Variants in FSIP1 observed in about 807,000 individuals in gnomAD.
The protein encoded by FSIP1 is fibrous sheath interacting protein 1, also known as fibrous sheath-interacting protein 1.
Under a neutral mutation model 60.9 loss-of-function variants are expected in FSIP1, and 65 were observed. That is an observed-to-expected ratio of 1.07 (90% CI 0.87 to 1.31). FSIP1 has a LOEUF of 1.31. Among genes scored for constraint, FSIP1 ranks in the 40% most tolerant of loss-of-function variants. The probability of loss-of-function intolerance (pLI) is 0.00; values close to 1 mark genes in which losing one functional copy is unlikely to be tolerated. For missense variants in FSIP1, 675 were observed against 665.5 expected, an observed-to-expected ratio of 1.01 and a Z score of -0.16; for synonymous variants, 209 against 221.2, an observed-to-expected ratio of 0.94 and a Z score of 0.49.
chr15:39,717,342 C>G (rs1440262206), intron 9 of FSIP1, among the ~76,000 whole-genome samples: 2 of 152,148 alleles, frequency 1.3e-5, no homozygotes, highest in Non-Finnish European at 2.9e-5. Flanking sequence ...GCTCCATCTT[C>G]TGGTTAGGTT....
At chr15:39,685,274 G>A (rs1894320224) in intron 10 of FSIP1, among the ~76,000 whole-genome samples, 1 of 152,136 alleles carries the variant, frequency 6.6e-6, no homozygotes, top group African/African-American at 2.4e-5. Context: ...AATTGTTCAT[G>A]TGTGATAAAG....
At chr15:39,660,243 C>T (rs762962709) in intron 10 of FSIP1, among the ~76,000 whole-genome samples, 8 of 152,182 alleles carry the variant, frequency 5.3e-5, no homozygotes, top group African/African-American at 1.2e-4. Flanking sequence ...AAGAAAGGGG[C>T]AACATGTCCT....
chr15:39,773,203 AC>A (rs1375781006), intron 2 of FSIP1, among the ~76,000 whole-genome samples: 2 of 152,258 alleles, frequency 1.3e-5, no homozygotes, highest in Non-Finnish European at 2.9e-5. Flanking sequence ...GAGCAATAAA[AC>A]TAACTAGCAC....
At chr15:39,761,019 T>C (rs1897478203) in intron 5 of FSIP1, among the ~76,000 whole-genome samples, 1 of 152,144 alleles carries the variant, frequency 6.6e-6, no homozygotes, top group Admixed American at 6.5e-5. Context: ...TTAACCACAA[T>C]GAACTATCAT....
At chr15:39,743,701 G>A (rs1896881807) in intron 5 of FSIP1, among the ~76,000 whole-genome samples, 1 of 152,106 alleles carries the variant, frequency 6.6e-6, no homozygotes, top group African/African-American at 2.4e-5. Flanking sequence ...AAGAAACCTG[G>A]TAGACACCAT....
chr15:39,766,476 T>G (rs1238945583), intron 3 of FSIP1, among the ~76,000 whole-genome samples: 3 of 152,218 alleles, frequency 2.0e-5, no homozygotes, highest in Non-Finnish European at 4.4e-5. Context: ...ATATTAACCC[T>G]CTGAGGTGGT....
intron 10 of FSIP1, among the ~76,000 whole-genome samples, chr15:39,672,994 AT>A: frequency 6.6e-6 from 1 of 152,320 alleles, no homozygotes; most frequent in African/African-American, 2.4e-5. Context: ...TCAATCTAAA[AT>A]GAGGGCCATT....
At chr15:39,658,425 T>C (rs1458146545) in intron 10 of FSIP1, among the ~76,000 whole-genome samples, 1 of 152,094 alleles carries the variant, frequency 6.6e-6, no homozygotes, top group African/African-American at 2.4e-5. Flanking sequence ...AATTTTTGTA[T>C]TTTTAGCAGA....
intron 10 of FSIP1, among the ~76,000 whole-genome samples, chr15:39,639,243 G>A (rs1892260484): frequency 6.6e-6 from 1 of 152,130 alleles, no homozygotes; most frequent in South Asian, 2.1e-4. Context: ...GGGGAGTCCA[G>A]AGGAATTTAA....
At chr15:39,779,470 G>A (rs768572736) in intron 1 of FSIP1, among the ~76,000 whole-genome samples, 2 of 152,074 alleles carry the variant, frequency 1.3e-5, no homozygotes, top group Admixed American at 6.5e-5. Flanking sequence ...TCTCTAGAAT[G>A]TACTAAAAGG....
intron 4 of FSIP1, among the ~76,000 whole-genome samples, chr15:39,765,010 G>T (rs751372892): frequency 5.9e-5 from 9 of 152,152 alleles, no homozygotes; most frequent in Non-Finnish European, 1.0e-4. Context: ...TAAGAGACAT[G>T]GTACCCTGGG....
intron 5 of FSIP1, among the ~76,000 whole-genome samples, chr15:39,760,449 A>G (rs1008636723): frequency 3.3e-5 from 5 of 152,214 alleles, no homozygotes; most frequent in Admixed American, 6.5e-5. Flanking sequence ...AACATTACCA[A>G]TAATAATATA....
At position 39,632,707 on chromosome 15, in the gene FSIP1, C is replaced by T. The variant is rs1595553649; in HGVS notation, c.1189-14462G>A. ...ACTCAGGAGTCTGAGGCAGGAGAAT[C>T]GCTTGAACCAGGGAGTCAGAGGTTG... On this transcript the variant is annotated intron_variant, in intron 10 of 11. Coordinates refer to ENST00000350221, the MANE Select transcript of FSIP1 (RefSeq NM_152597.5). Among the ~76,000 whole-genome samples the T allele has an allele frequency of 2.0e-5, 3 of 152,036 alleles. No homozygotes were observed. In the South Asian group the frequency reaches 6.2e-4, roughly 32 times the overall value.
At position 39,770,623 on chromosome 15, in the gene FSIP1, T is replaced by TA. The variant is rs777433939; in HGVS notation, c.127-14_127-13insT. On this transcript the variant is annotated splice_polypyrimidine_tract_variant and intron_variant, in intron 2 of 11. Coordinates refer to ENST00000350221, the MANE Select transcript of FSIP1 (RefSeq NM_152597.5). ...TTGCAGTATCGACCTAAAAATAATT[T>TA]CAAAAAAAAAACAGTTTCCGAAAAT... is the stretch of plus-strand genomic sequence containing the variant. The TA allele has an allele frequency of 3.9e-3, 5,191 of 1,324,262 alleles. No individual in the cohort carries two copies. Among genetic ancestry groups the TA allele is most frequent in the Non-Finnish European group, 4.4e-3 (4,311 of 989,972 alleles). The allele number at this position is 1,324,262 out of a possible 1,614,324, so 82.0% of individuals were successfully genotyped here. A position where few individuals can be genotyped will look rare whatever the true frequency, so the allele number is the denominator to read the frequency against.
intron 1 of FSIP1, among the ~76,000 whole-genome samples, chr15:39,781,385 T>C (rs769027300): frequency 3.9e-5 from 6 of 152,354 alleles, no homozygotes; most frequent in East Asian, 3.9e-4. Flanking sequence ...TGCAAAATCA[T>C]CACTTTTCAA....
chr15:39,654,120 C>T (rs1233061206), intron 10 of FSIP1, among the ~76,000 whole-genome samples: 6 of 152,052 alleles, frequency 3.9e-5, no homozygotes, highest in African/African-American at 1.2e-4. Context: ...TGGAATTCCT[C>T]CTGAAGGAAC....
chr15:39,656,087 T>G (rs1022631161), intron 10 of FSIP1, among the ~76,000 whole-genome samples: 1 of 151,958 alleles, frequency 6.6e-6, no homozygotes, highest in African/African-American at 2.4e-5. Context: ...GGGGAAGACA[T>G]GAATAGGTTT....
At chr15:39,653,624 G>C (rs762985624) in intron 10 of FSIP1, among the ~76,000 whole-genome samples, 4 of 152,150 alleles carry the variant, frequency 2.6e-5, no homozygotes, top group Non-Finnish European at 2.9e-5. Context: ...GAGGGACCGG[G>C]TGGGAGATAA....
chr15:39,703,812 A>G (rs1895158336), intron 10 of FSIP1, among the ~76,000 whole-genome samples: 1 of 129,092 alleles, frequency 7.7e-6, no homozygotes, highest in Non-Finnish European at 1.7e-5. Context: ...ATTATGTTTT[A>G]AATTTCTCAT....
Sources: allele counts gnomAD v4.1 joint callset (sites outside exome capture counted in the v4.1 genomes callset), GRCh38; gene constraint gnomAD v4.1.1; transcripts MANE v1.5; gene names NCBI Gene and HGNC (gene_info 2026-07-23, HGNC 2026-07-21).